Variants in PTPRU observed in about 807,000 individuals in gnomAD.
The protein encoded by PTPRU is protein tyrosine phosphatase receptor type U.
Under a neutral mutation model 166.3 loss-of-function variants are expected in PTPRU, and 69 were observed. The ratio of observed to expected loss-of-function variants is 0.41; its 90% CI spans 0.34 to 0.51. The LOEUF (loss-of-function observed/expected upper bound fraction) is 0.51. Among genes scored for constraint, PTPRU ranks in the 20% least tolerant of loss-of-function variants. PTPRU has a pLI of 0.09. For synonymous variants in PTPRU, 793 were observed against 814.0 expected (o/e 0.97, Z 0.44); for missense variants, 1,657 against 2,013.7 (o/e 0.82, Z 3.39).
At chr1:29,308,412 C>CA (rs1478213480) in intron 18 of PTPRU, among the ~76,000 whole-genome samples, 1 of 148,280 alleles carries the variant, frequency 6.7e-6, no homozygotes, top group Non-Finnish European at 1.5e-5. Context: ...ACAAAAAATA[C>CA]AAAAATTAGC....
intron 16 of PTPRU, 53 bp from the exon 17 acceptor site, chr1:29,304,721 G>A (rs1002357173): frequency 9.2e-6 from 11 of 1,198,078 alleles, no homozygotes; most frequent in East Asian, 8.5e-5. Flanking sequence ...AGGGGAAGGG[G>A]CCCTCAGTGA....
chr1:29,305,675 G>A, intron 18 of PTPRU: 1 of 686,370 alleles, frequency 1.5e-6, no homozygotes, highest in Non-Finnish European at 2.7e-6. Context: ...AAAGCAAAGG[G>A]AAGAGGCAGA....
intron 18 of PTPRU, chr1:29,306,979 T>TTAGCC (rs1553127512): frequency 7.3e-6 from 6 of 822,170 alleles, no homozygotes; most frequent in Admixed American, 2.1e-5. Context: ...ACTCTGTGGC[T>TTAGCC]CAGCCCAGCC....
chr1:29,306,041 A>T (rs1687374945), intron 18 of PTPRU, among the ~76,000 whole-genome samples: 1 of 152,198 alleles, frequency 6.6e-6, no homozygotes, highest in Non-Finnish European at 1.5e-5. Flanking sequence ...AGAGACGTGG[A>T]GCGACTTGTC....
Position 29,260,759 on chromosome 1 carries a change from G to C in PTPRU, c.1000G>C (p.Val334Leu). ...YRMARGPWAE[V>L]HAVSLQTYKL... is the part of the protein sequence containing the mutation. The stretch of plus-strand genomic sequence containing the variant: ...CATGGCGCGCGGGCCCTGGGCTGAG[G>C]TGCACGCCGTCAGCCTGCAGACCTA... The change falls in exon 7 of 30, where the codon GTG becomes CTG. Residue 334 changes from valine to leucine, a missense_variant. By Grantham distance (32) the Val-to-Leu change is conservative. Coordinates refer to ENST00000373779, the MANE Select transcript of PTPRU (RefSeq NM_133178.4). The surrounding 1 kb of genome is among the most constrained non-coding windows in gnomAD (Gnocchi z 8.3). The C allele has an allele frequency of 6.2e-7, 1 of 1,612,966 alleles. No homozygotes were observed. Among genetic ancestry groups the C allele is most frequent in the Non-Finnish European group, 8.5e-7 (1 of 1,179,494 alleles).
At chr1:29,283,068 T>A (rs886424101) in intron 12 of PTPRU, 119 bp downstream of exon 12, 107 of 1,397,290 alleles carry the variant, frequency 7.7e-5, no homozygotes, top group Non-Finnish European at 1.0e-4. Flanking sequence ...TAGCCCCACC[T>A]CCCATAGCCC....
chr1:29,252,237 CT>C (rs1198316123), intron 1 of PTPRU, among the ~76,000 whole-genome samples: 11 of 151,218 alleles, frequency 7.3e-5, no homozygotes, highest in African/African-American at 2.7e-4. Flanking sequence ...CCCTTTGTGC[CT>C]GGCTCTTCTG....
In PTPRU at chr1:29,278,670, A is replaced by G. The variant is rs1574652606; in HGVS notation, c.1454-342A>G. ...TGGCCCATGTGCATATTTTCTGAAA[A>G]CTACCCAACTGGAACAAAATTGGAG... is the stretch of plus-strand genomic sequence containing the variant. On this transcript the variant is annotated intron_variant, in intron 8 of 29. Coordinates refer to ENST00000373779, the MANE Select transcript of PTPRU (RefSeq NM_133178.4). Among the ~76,000 whole-genome samples the G allele has an allele frequency of 3.3e-5, 5 of 152,340 alleles. No individual in the cohort carries two copies. The South Asian group carries it at 1.0e-3, about 32-fold the overall frequency.
chr1:29,323,279 G>A, intron 26 of PTPRU, 92 bp from the exon 27 acceptor site: 1 of 1,491,692 alleles, frequency 6.7e-7, no homozygotes, highest in Non-Finnish European at 9.0e-7. Context: ...GGGAGCCACA[G>A]GGCAAGTGTG....
At position 29,291,338 on chromosome 1, in the gene PTPRU, T is replaced by A. The variant is rs112764387; in HGVS notation, c.2319-531T>A. Among the ~76,000 whole-genome samples the A allele has an allele frequency of 3.4e-3, 517 of 152,264 alleles. 5 individuals are homozygous for A. The highest frequency in any genetic ancestry group is 0.012 in the African/African-American group (488 of 41,560). ...GTGGGGGAAGCCCCCGAGCTCTGGCTGAGCACAAGCTAGACTCTCTGCGGG... is the reference window on the plus strand; with the variant it reads ...GTGGGGGAAGCCCCCGAGCTCTGGCAGAGCACAAGCTAGACTCTCTGCGGG... On this transcript the variant is annotated intron_variant, in intron 14 of 29. Coordinates refer to ENST00000373779, the MANE Select transcript of PTPRU (RefSeq NM_133178.4). This position sits in a 1 kb window ranked among gnomAD's most constrained non-coding sequence, Gnocchi z 4.1.
intron 18 of PTPRU, among the ~76,000 whole-genome samples, chr1:29,307,749 CTTTTTTTTTTTTTTTTTT>C (rs201782011): frequency 1.7e-5 from 2 of 117,238 alleles, no homozygotes; most frequent in African/African-American, 5.6e-5. Context: ...AAATATTATG[CTTTTTTTTTTTTTTTTTT>C]TTTTTTTTTT....
At chr1:29,284,984 G>T in intron 14 of PTPRU, 115 bp downstream of exon 14, 11 of 1,376,970 alleles carry the variant, frequency 8.0e-6, no homozygotes, top group Non-Finnish European at 1.1e-5. Context: ...GTGTGTGGAG[G>T]GCTGCCAGCC....
At chr1:29,304,135 C>A (rs1687273230) in intron 16 of PTPRU, 90 bp downstream of exon 16, 2 of 1,437,166 alleles carry the variant, frequency 1.4e-6, no homozygotes, top group East Asian at 2.4e-5. Context: ...AACCCTCAGC[C>A]TAGTCCTGGT....
intron 1 of PTPRU, among the ~76,000 whole-genome samples, chr1:29,246,820 T>A (rs1684318776): frequency 6.6e-6 from 1 of 152,174 alleles, no homozygotes; most frequent in South Asian, 2.1e-4. Context: ...TTCACCATGT[T>A]GGCCAGGCTG....
chr1:29,313,786 T>TC (rs1687774878), intron 22 of PTPRU, among the ~76,000 whole-genome samples: 1 of 152,078 alleles, frequency 6.6e-6, no homozygotes, highest in Non-Finnish European at 1.5e-5. Context: ...GTATGGGAGT[T>TC]CCAGGTTACA....
intron 1 of PTPRU, among the ~76,000 whole-genome samples, chr1:29,254,109 AG>A (rs960810118): frequency 3.3e-5 from 5 of 152,154 alleles, no homozygotes; most frequent in African/African-American, 9.7e-5. Context: ...TCAAATCGGG[AG>A]GAGTACCAGT....
chr1:29,247,293 A>G (rs1392206476), intron 1 of PTPRU, among the ~76,000 whole-genome samples: 1 of 152,250 alleles, frequency 6.6e-6, no homozygotes, highest in African/African-American at 2.4e-5. Flanking sequence ...GGTCATGCCC[A>G]TGATGGATGT....
At chr1:29,306,853 A>C (rs1574704011) in intron 18 of PTPRU, among the ~76,000 whole-genome samples, 1 of 152,182 alleles carries the variant, frequency 6.6e-6, no homozygotes, top group South Asian at 2.1e-4. Flanking sequence ...GGTTGGAGTC[A>C]GGGCCAGGCC....
chr1:29,296,158 G>A (rs942384856), intron 15 of PTPRU, among the ~76,000 whole-genome samples: 5 of 151,982 alleles, frequency 3.3e-5, no homozygotes, highest in African/African-American at 9.7e-5. Flanking sequence ...TGGGACCTCC[G>A]GTACTGTGTT....
Sources: allele counts gnomAD v4.1 joint callset (sites outside exome capture counted in the v4.1 genomes callset), GRCh38; gene constraint gnomAD v4.1.1; non-coding constraint Gnocchi (gnomAD v3.1); transcripts MANE v1.5; gene names NCBI Gene and HGNC (gene_info 2026-07-23, HGNC 2026-07-21).